Variants in DPYD observed in about 807,000 individuals in gnomAD.
DPYD encodes dihydropyrimidine dehydrogenase, also known as dihydropyrimidine dehydrogenase [NADP(+)].
In DPYD, 109 loss-of-function variants were observed where a neutral mutation model predicts 116.2. The ratio of observed to expected loss-of-function variants is 0.94; its 90% confidence interval spans 0.80 to 1.10. The LOEUF is 1.10. DPYD is among the 50% of genes least tolerant of loss of function. The pLI is 0.00. For synonymous variants in DPYD, 440 were observed against 432.0 expected, an observed-to-expected ratio of 1.02 and a Z score of -0.23; for missense variants, 1,302 against 1,254.5, an observed-to-expected ratio of 1.04 and a Z score of -0.57.
chr1:97,285,892 T>C (rs1665645751), intron 18 of DPYD, among the ~76,000 whole-genome samples: 3 of 152,298 alleles, frequency 2.0e-5, no homozygotes, highest in East Asian at 1.9e-4. Context: ...CCTAAATTCC[T>C]TTTAACTGGA....
chr1:97,771,913 A>T (rs1666163384), intron 3 of DPYD, among the ~76,000 whole-genome samples: 1 of 152,144 alleles, frequency 6.6e-6, no homozygotes, highest in South Asian at 2.1e-4. Flanking sequence ...TATCTGCTAC[A>T]TGGTCTTTTC....
At chr1:97,790,538 T>TA (rs1667265117) in intron 3 of DPYD, among the ~76,000 whole-genome samples, 1 of 152,228 alleles carries the variant, frequency 6.6e-6, no homozygotes, top group Non-Finnish European at 1.5e-5. Flanking sequence ...ATGGTTCTCT[T>TA]ACTTTTCTGA....
At position 97,721,671 on chromosome 1, in the gene DPYD, T is replaced by C. The variant is rs1485319921; in HGVS notation, c.322A>G (p.Asn108Asp). 6.2e-7 allele frequency: 1 copy of C among 1,610,680 alleles called. No individual in the cohort carries two copies. Among genetic ancestry groups the C allele is most frequent in the Non-Finnish European group, 8.5e-7 (1 of 1,177,776 alleles). ...ATCATCTTAGCAGCTCCATAATAGT[T>C]CTGCAAAATTAATACAAAATAAAAT... ...KSFITSIANK[N>D]YYGAAKMIFS... Residue 108 changes from asparagine (N) to aspartate (D), a missense_variant and splice_region_variant, in exon 5 of 23, where the codon AAC (asparagine) becomes GAC (aspartate). Coordinates refer to ENST00000370192, the MANE Select transcript of DPYD (RefSeq NM_000110.4).
At chr1:97,527,103 G>A (rs543747811) in intron 12 of DPYD, among the ~76,000 whole-genome samples, 1 of 150,938 alleles carries the variant, frequency 6.6e-6, no homozygotes, top group African/African-American at 2.4e-5. Flanking sequence ...TTTTGAGACG[G>A]TGTGTTGCTC....
chr1:97,567,703 T>C (rs12122032), intron 11 of DPYD, among the ~76,000 whole-genome samples: 118,231 of 152,042 alleles, frequency 0.78, 47,225 homozygotes, highest in East Asian at 0.96. Context: ...ATCTCAAACT[T>C]AGTTGAAAAT....
chr1:97,163,725 G>C (rs1160368072), intron 20 of DPYD, among the ~76,000 whole-genome samples: 1 of 152,110 alleles, frequency 6.6e-6, no homozygotes, highest in Non-Finnish European at 1.5e-5. Context: ...TTTCATAAGG[G>C]TGCTAATCTC....
At chr1:97,538,294 C>T (rs1288885016) in intron 12 of DPYD, among the ~76,000 whole-genome samples, 1 of 152,206 alleles carries the variant, frequency 6.6e-6, no homozygotes, top group African/African-American at 2.4e-5. Flanking sequence ...TTTGTACTCA[C>T]TCTACTGCAG....
intron 8 of DPYD, among the ~76,000 whole-genome samples, chr1:97,674,353 C>T (rs1660029712): frequency 6.6e-6 from 1 of 152,162 alleles, no homozygotes; most frequent in Admixed American, 6.6e-5. Context: ...CCCTTAGCCC[C>T]TTCTTTCTCA....
At chr1:97,569,922 A>C (rs1335142192) in intron 11 of DPYD, among the ~76,000 whole-genome samples, 1 of 152,000 alleles carries the variant, frequency 6.6e-6, no homozygotes, top group Non-Finnish European at 1.5e-5. Flanking sequence ...ATGTAAAGTA[A>C]TGATGATTAC....
At chr1:97,483,376 A>G (rs975978161) in intron 13 of DPYD, among the ~76,000 whole-genome samples, 4 of 152,154 alleles carry the variant, frequency 2.6e-5, no homozygotes, top group South Asian at 2.1e-4. Context: ...TGCCCTTGCT[A>G]TGGTTTGAAT....
chr1:97,730,597 A>G (rs1201684601), intron 4 of DPYD, among the ~76,000 whole-genome samples: 1 of 152,144 alleles, frequency 6.6e-6, no homozygotes, highest in Non-Finnish European at 1.5e-5. Flanking sequence ...TAGTTTTTGA[A>G]TTATCAATTA....
At chr1:97,880,116 C>T (rs544514611) in intron 2 of DPYD, among the ~76,000 whole-genome samples, 1 of 151,442 alleles carries the variant, frequency 6.6e-6, no homozygotes, top group East Asian at 2.0e-4. Context: ...AATCTTCAAT[C>T]TAAAGATAGT....
rs533538093 is a variant in DPYD, at chr1:97,833,432, A to T, written c.151-5236T>A. ...AATTCTCTTGGAACAAGAGATGACT[A>T]TGAGTTTGTTACTTCCAAACCTGTC... On this transcript the variant is annotated intron_variant, in intron 2 of 22. Coordinates refer to ENST00000370192, the MANE Select transcript of DPYD (RefSeq NM_000110.4). Among the ~76,000 whole-genome samples, 10 of 152,286 alleles carry T rather than the reference A, an allele frequency of 6.6e-5. No individual in the cohort carries two copies. In the South Asian group the frequency reaches 2.1e-3, roughly 32 times the overall value.
intron 3 of DPYD, among the ~76,000 whole-genome samples, chr1:97,787,885 C>T (rs1191005896): frequency 6.6e-6 from 1 of 152,192 alleles, no homozygotes; most frequent in Non-Finnish European, 1.5e-5. Context: ...TGGTCACCTG[C>T]TGCATACATA....
intron 3 of DPYD, among the ~76,000 whole-genome samples, chr1:97,817,843 T>C (rs1668708788): frequency 6.6e-6 from 1 of 152,060 alleles, no homozygotes; most frequent in Admixed American, 6.6e-5. Context: ...AATGTGGCAC[T>C]TCAATTATGG....
chr1:97,596,093 TGA>T (rs1057164331), intron 8 of DPYD, among the ~76,000 whole-genome samples: 1 of 151,922 alleles, frequency 6.6e-6, no homozygotes. Flanking sequence ...GAAAATAAGA[TGA>T]GAGAGTACCA....
At chr1:97,708,410 C>G (rs1037007934) in intron 5 of DPYD, among the ~76,000 whole-genome samples, 7 of 151,982 alleles carry the variant, frequency 4.6e-5, no homozygotes, top group African/African-American at 1.7e-4. Flanking sequence ...AGGACTATCC[C>G]TTCTCCATTA....
In DPYD at chr1:97,910,903, T is replaced by G. The variant is rs143263008; in HGVS notation, c.39+9981A>C. ...TATACTTCTACTTTTCTTATTTGTA[T>G]TCTTATTTACATTTTTTTATTTTAC... On this transcript the variant is annotated intron_variant, in intron 1 of 22. Coordinates refer to ENST00000370192, the MANE Select transcript of DPYD (RefSeq NM_000110.4). Among the ~76,000 whole-genome samples, 210 of 152,208 alleles carry G rather than the reference T, an allele frequency of 1.4e-3. 6 individuals carry two copies. In the East Asian group the frequency reaches 0.036, roughly 26 times the overall value.
intron 4 of DPYD, among the ~76,000 whole-genome samples, chr1:97,727,465 C>T (rs1183015148): frequency 6.6e-6 from 1 of 151,380 alleles, no homozygotes; most frequent in Admixed American, 6.6e-5. Flanking sequence ...TAGAAGGGTT[C>T]CAGTATTAAG....
Sources: gnomAD v4.1 joint callset for allele counts (sites outside exome capture counted in the v4.1 genomes callset) on GRCh38, gnomAD v4.1.1 for gene constraint, MANE v1.5 for transcripts, NCBI Gene and HGNC (gene_info 2026-07-23, HGNC 2026-07-21) for gene names.